UBN1: variants seen among roughly 807,000 people sequenced by gnomAD.
UBN1 encodes the protein ubinuclein 1.
UBN1 carries 17 observed loss-of-function variants against 108.5 expected under a neutral mutation model. That is an observed-to-expected ratio of 0.16 (90% CI 0.11 to 0.24). The LOEUF is 0.24. Ranked by LOEUF, UBN1 falls within the 10% of genes least tolerant of loss-of-function variation. The pLI is 1.00. For missense variants in UBN1, 1,595 were observed against 1,394.4 expected, an observed-to-expected ratio of 1.14 and a Z score of -2.29; for synonymous variants, 726 against 564.2, an observed-to-expected ratio of 1.29 and a Z score of -4.07.
At chr16:4,868,704 T>C in intron 7 of UBN1, 129 bp from the exon 8 acceptor site, 4 of 779,882 alleles carry the variant, frequency 5.1e-6, no homozygotes, top group Non-Finnish European at 8.2e-6. Context: ...AGGGTGGAGT[T>C]GGAAAGGTGG....
chr16:4,881,527 A>G lies in UBN1; in HGVS notation c.*1395A>G, dbSNP rs2088075397. On this transcript the variant is annotated 3_prime_UTR_variant, in exon 18 of 18. Coordinates refer to ENST00000262376, the MANE Select transcript of UBN1 (RefSeq NM_001079514.3). ...TGAGAGTATACGGTGTCCTCAGCAC[A>G]TACACCTGTGGGAAAACGGACCGCT... 1 of 152,202 alleles carries G rather than the reference A, an allele frequency of 6.6e-6. No homozygotes were observed. The highest frequency in any genetic ancestry group is 2.4e-5 in the African/African-American group (1 of 41,420). The allele number at this position is 152,202 out of a possible 1,614,324, so 9.4% of individuals were successfully genotyped here.
At chr16:4,849,403 A>AT (rs2086420130) in intron 1 of UBN1, among the ~76,000 whole-genome samples, 1 of 152,210 alleles carries the variant, frequency 6.6e-6, no homozygotes, top group Non-Finnish European at 1.5e-5. Context: ...GGTACTCATT[A>AT]TAAGTTGGAA....
At position 4,853,020 on chromosome 16, in the gene UBN1, C is replaced by A; in HGVS notation, c.103C>A (p.His35Asn). 2 of 1,614,220 alleles carry A rather than the reference C, an allele frequency of 1.2e-6. No homozygotes were observed. The highest frequency in any genetic ancestry group is 1.7e-6 in the Non-Finnish European group (2 of 1,180,042). Residue 35 changes from histidine to asparagine, a missense_variant, in exon 2 of 18, where the codon CAT (histidine) becomes AAT (asparagine). By Grantham distance (68) the His-to-Asn change is moderately conservative. Coordinates refer to ENST00000262376, the MANE Select transcript of UBN1 (RefSeq NM_001079514.3). The stretch of plus-strand genomic sequence containing the variant: ...GGAGGAGGCTGGGGCAGGAGAACAG[C>A]ATCAGGACTGTGAGCCGGCTGCAGC... Reference protein sequence around the residue: ...RKEEAGAGEQHQDCEPAAAAV... With the variant: ...RKEEAGAGEQNQDCEPAAAAV...
intron 7 of UBN1, among the ~76,000 whole-genome samples, chr16:4,864,075 C>CTTTTTTTT (rs796516323): frequency 2.3e-5 from 2 of 86,428 alleles, no homozygotes; most frequent in Non-Finnish European, 2.1e-5. Flanking sequence ...TTGTTGTTGC[C>CTTTTTTTT]TTTTTTTTTT....
At chr16:4,858,193 A>G in intron 3 of UBN1, 117 bp downstream of exon 3, 1 of 761,134 alleles carries the variant, frequency 1.3e-6, no homozygotes, top group East Asian at 2.6e-5. Flanking sequence ...AGCCTTAAGC[A>G]TGGAGAGAAG....
chr16:4,861,404 T>C (rs943715554), intron 7 of UBN1, among the ~76,000 whole-genome samples: 8 of 152,252 alleles, frequency 5.3e-5, no homozygotes, highest in African/African-American at 1.7e-4. Context: ...CTTCATGTGA[T>C]AGACGGATGA....
rs1174240795 is a variant in UBN1 at position 4,862,945 on chromosome 16, G to A, written c.1110+1843G>A. The stretch of plus-strand genomic sequence containing the variant: ...TGGGCCTGGGTCCCAGTGGGGAGCT[G>A]GTGACCAGGAGAGGCTGATGTTCTG... On this transcript the variant is annotated intron_variant, in intron 7 of 17. Coordinates refer to ENST00000262376, the MANE Select transcript of UBN1 (RefSeq NM_001079514.3). Among the ~76,000 whole-genome samples, 2 of 152,232 alleles carry A rather than the reference G, an allele frequency of 1.3e-5. 1 individual carries two copies. The highest frequency in any genetic ancestry group is 4.1e-4 in the South Asian group (2 of 4,828).
chr16:4,880,312 TGC>T lies in UBN1; in HGVS notation c.*181_*182del. 1.5e-6 allele frequency: 1 copy of T among 667,118 alleles called. No homozygotes were observed. The highest frequency in any genetic ancestry group is 1.8e-5 in the South Asian group (1 of 54,994). 41.3% of individuals were successfully genotyped at this position (667,118 alleles called of 1,614,324 possible). A position where few individuals can be genotyped will look rare whatever the true frequency, so the allele number is the denominator to read the frequency against. On this transcript the variant is annotated 3_prime_UTR_variant, in exon 18 of 18. Coordinates refer to ENST00000262376, the MANE Select transcript of UBN1 (RefSeq NM_001079514.3). ...CCTCCCATGGAGGGAGCCGGGCCCTTGCTGCTCAGGAGGTGCAGACTGCCCCG... is the reference window on the plus strand; with the variant it reads ...CCTCCCATGGAGGGAGCCGGGCCCTTTGCTCAGGAGGTGCAGACTGCCCCG...
rs778909095 is a variant in UBN1, at chr16:4,868,976, G to A, written c.1181+73G>A. ...TGAGCTTGGGGCAAGCCAGCTAGGG[G>A]ACAGTGGGAGTACAATTGAACTGCA... On this transcript the variant is annotated intron_variant, in intron 8 of 17. Transcript: ENST00000262376. 39 of 1,505,480 alleles carry A rather than the reference G, an allele frequency of 2.6e-5. No individual in the cohort carries two copies. The South Asian group carries it at 3.6e-4, about 14-fold the overall frequency. 93.3% of individuals were successfully genotyped at this position (1,505,480 alleles called of 1,614,324 possible).
intron 17 of UBN1, 104 bp from the exon 18 acceptor site, chr16:4,879,979 A>G: frequency 8.1e-7 from 1 of 1,228,358 alleles, no homozygotes; most frequent in African/African-American, 1.5e-5. Context: ...GCATTTGGGG[A>G]CTTTTGCTAT....
chr16:4,869,397 C>G (rs1414067473), intron 8 of UBN1, among the ~76,000 whole-genome samples: 1 of 152,232 alleles, frequency 6.6e-6, no homozygotes, highest in Non-Finnish European at 1.5e-5. Context: ...CTCTGAGACA[C>G]CACGCTGTGT....
chr16:4,851,688 G>A (rs2086564894), intron 1 of UBN1, among the ~76,000 whole-genome samples: 1 of 152,054 alleles, frequency 6.6e-6, no homozygotes, highest in Admixed American at 6.6e-5. Context: ...GGCATGGTGG[G>A]ATATACCTGT....
In UBN1 at chr16:4,871,188, G is replaced by A; in HGVS notation, c.1593G>A (p.Leu531=). The change falls in exon 12 of 18, where the codon CTG becomes CTA. Residue 531 remains leucine, a synonymous_variant. Coordinates refer to ENST00000262376, the MANE Select transcript of UBN1 (RefSeq NM_001079514.3). ...ELLCQVVKIK[L]ESQDLERNNK... ...TGTGCCAGGTGGTGAAGATCAAACTGGAGAGCCAGGACCTGGAGAGGAACA... is the reference window on the plus strand; with the variant it reads ...TGTGCCAGGTGGTGAAGATCAAACTAGAGAGCCAGGACCTGGAGAGGAACA... The A allele has an allele frequency of 1.9e-6, 3 of 1,614,238 alleles. No individual in the cohort carries two copies. Among genetic ancestry groups the A allele is most frequent in the Non-Finnish European group, 1.7e-6 (2 of 1,180,050 alleles).
intron 7 of UBN1, among the ~76,000 whole-genome samples, chr16:4,865,210 A>G (rs1287963766): frequency 1.3e-5 from 2 of 152,232 alleles, no homozygotes; most frequent in Non-Finnish European, 2.9e-5. Flanking sequence ...ATTTACTTTA[A>G]AATGCCGCAG....
rs1310656904 is a variant in UBN1 at position 4,847,541 on chromosome 16, G to A, written c.-709G>A. On this transcript the variant is annotated 5_prime_UTR_variant, in exon 1 of 18. Transcript: ENST00000262376. Reference sequence around the variant, plus strand: ...AGCGCCCGCGGTCTGAGGCGGCGGCGGCGGCGACGGTGCGACCGGCTGAGC... The same window carrying A: ...AGCGCCCGCGGTCTGAGGCGGCGGCAGCGGCGACGGTGCGACCGGCTGAGC... 3 of 458,928 alleles carry A rather than the reference G, an allele frequency of 6.5e-6. No individual in the cohort carries two copies. Among genetic ancestry groups the A allele is most frequent in the South Asian group, 5.8e-5 (2 of 34,368 alleles). 28.4% of individuals were successfully genotyped at this position (458,928 alleles called of 1,614,324 possible). A position where few individuals can be genotyped will look rare whatever the true frequency, so the allele number is the denominator to read the frequency against.
Position 4,860,561 on chromosome 16 carries a change from G to A in UBN1, c.672-103G>A, listed in dbSNP as rs2087012775. On this transcript the variant is annotated intron_variant, in intron 6 of 17. Coordinates refer to ENST00000262376, the MANE Select transcript of UBN1 (RefSeq NM_001079514.3). ...GGAATGACAGGGTGGACTGTGACAG[G>A]TTCTCCTGGAGACCATGACCCTGGG... is the stretch of plus-strand genomic sequence containing the variant. 12 of 1,210,820 alleles carry A rather than the reference G, an allele frequency of 9.9e-6. No individual in the cohort carries two copies. In the Admixed American group the frequency reaches 2.0e-4, roughly 21 times the overall value. 75.0% of individuals were successfully genotyped at this position (1,210,820 alleles called of 1,614,324 possible).
chr16:4,860,551 ACTGT>A, intron 6 of UBN1, 109 bp from the exon 7 acceptor site: 2 of 1,082,564 alleles, frequency 1.8e-6, no homozygotes, highest in South Asian at 1.6e-5. Context: ...GACAGGGTGG[ACTGT>A]GACAGGTTCT....
At position 4,874,544 on chromosome 16, in the gene UBN1, A is replaced by G. The variant is rs371397959; in HGVS notation, c.2134A>G (p.Thr712Ala). 1.5e-4 allele frequency: 236 copies of G among 1,614,106 alleles called. No homozygotes were observed. Among genetic ancestry groups the G allele is most frequent in the Non-Finnish European group, 1.8e-4 (212 of 1,180,044 alleles). Residue 712 changes from threonine (T) to alanine (A), a missense_variant, in exon 15 of 18, where the codon ACA becomes GCA. Coordinates refer to ENST00000262376, the MANE Select transcript of UBN1 (RefSeq NM_001079514.3). ...AGAAAAAGTTGGAGGCGTTTTATGT[A>G]CAGAAGAAAAAAGGAACTTTGCGAA... ...PAEKVGGVLC[T>A]EEKRNFAKPS...
intron 14 of UBN1, among the ~76,000 whole-genome samples, chr16:4,873,401 T>C (rs1332272796): frequency 6.6e-6 from 1 of 152,132 alleles, no homozygotes; most frequent in East Asian, 1.9e-4. Context: ...AGAAATACAC[T>C]CTAGCCAAGT....
Sources: allele counts gnomAD v4.1 joint callset (sites outside exome capture counted in the v4.1 genomes callset), GRCh38; gene constraint gnomAD v4.1.1; transcripts MANE v1.5; gene names NCBI Gene and HGNC (gene_info 2026-07-23, HGNC 2026-07-21).